TRAPPC9: variants seen among roughly 807,000 people sequenced by gnomAD.
The protein encoded by TRAPPC9 is IKK2 binding protein.
Under a neutral mutation model 124.0 loss-of-function variants are expected in TRAPPC9, and 83 were observed. That is an observed-to-expected ratio of 0.67 (90% confidence interval 0.56 to 0.80). The LOEUF is 0.80. Among genes scored for constraint, TRAPPC9 ranks in the 30% least tolerant of loss-of-function variants. The pLI is 0.00. For missense variants in TRAPPC9, 1,302 were observed against 1,508.3 expected (o/e 0.86, Z 2.27); for synonymous variants, 638 against 617.5 (o/e 1.03, Z -0.49).
chr8:139,775,598 C>T, intron 21 of TRAPPC9, among the ~76,000 whole-genome samples: 1 of 152,192 alleles, frequency 6.6e-6, no homozygotes, highest in East Asian at 1.9e-4. Context: ...AGGGCTGAGT[C>T]CCGAGGACAT....
intron 21 of TRAPPC9, among the ~76,000 whole-genome samples, chr8:139,875,601 C>T (rs368942311): frequency 4.6e-5 from 7 of 152,378 alleles, no homozygotes; most frequent in South Asian, 2.1e-4. Context: ...CACCCACTGC[C>T]GGGCAAGCTG....
chr8:139,967,268 G>A lies in TRAPPC9; in HGVS notation c.2810+21458C>T, dbSNP rs551105086. On this transcript the variant is annotated intron_variant, in intron 19 of 22. Transcript: ENST00000438773. ...CATACTCCCCAGTATGTCTCAGAGA[G>A]GACTTGGGTCACTGAATGAAAGCAG... 5.3e-5 allele frequency among the ~76,000 whole-genome samples: 8 copies of A among 152,316 alleles called. No individual in the cohort carries two copies. The East Asian group carries it at 1.5e-3, about 29-fold the overall frequency.
At chr8:140,085,855 T>A (rs1012375164) in intron 17 of TRAPPC9, among the ~76,000 whole-genome samples, 2 of 152,220 alleles carry the variant, frequency 1.3e-5, no homozygotes, top group Admixed American at 1.3e-4. Context: ...TCTGATTCAT[T>A]GTTAAAAATA....
chr8:140,023,385 A>G (rs1406269449), intron 18 of TRAPPC9, among the ~76,000 whole-genome samples: 2 of 152,226 alleles, frequency 1.3e-5, no homozygotes, highest in African/African-American at 4.8e-5. Flanking sequence ...CAAACTGTCC[A>G]ATTTCTTTCT....
At chr8:139,915,401 C>T (rs1832059926) in intron 19 of TRAPPC9, among the ~76,000 whole-genome samples, 1 of 152,162 alleles carries the variant, frequency 6.6e-6, no homozygotes, top group Admixed American at 6.5e-5. Flanking sequence ...TGCATACTAC[C>T]ACATCTGGCT....
chr8:139,969,309 C>T (rs60971117), intron 19 of TRAPPC9, among the ~76,000 whole-genome samples: 4,972 of 152,354 alleles, frequency 0.033, 276 homozygotes, highest in African/African-American at 0.11. Context: ...TGTACTGCAG[C>T]CTTTCCCTCT....
chr8:140,238,979 A>G (rs1314432720), intron 16 of TRAPPC9, among the ~76,000 whole-genome samples: 1 of 152,170 alleles, frequency 6.6e-6, no homozygotes, highest in East Asian at 1.9e-4. Context: ...GGCTGGCAAG[A>G]GTGGAGGGGC....
intron 21 of TRAPPC9, among the ~76,000 whole-genome samples, chr8:139,864,789 T>C (rs1050300347): frequency 6.6e-6 from 1 of 152,180 alleles, no homozygotes; most frequent in Non-Finnish European, 1.5e-5. Context: ...AGAAAAGCGC[T>C]TGGACCCAGA....
At chr8:140,256,470 C>G (rs771844073) in intron 15 of TRAPPC9, among the ~76,000 whole-genome samples, 6 of 152,164 alleles carry the variant, frequency 3.9e-5, no homozygotes, top group Non-Finnish European at 8.8e-5. Context: ...TTCCTTCCCA[C>G]CTGCTCTCTC....
chr8:139,917,907 C>T (rs952055282), intron 19 of TRAPPC9, among the ~76,000 whole-genome samples: 2 of 152,192 alleles, frequency 1.3e-5, no homozygotes, highest in African/African-American at 4.8e-5. Flanking sequence ...CCAGCACTCC[C>T]ACAGCCAGCT....
chr8:140,184,974 A>G (rs2131038072), intron 17 of TRAPPC9, among the ~76,000 whole-genome samples: 1 of 152,348 alleles, frequency 6.6e-6, no homozygotes, highest in African/African-American at 2.4e-5. Context: ...AAACAAAAAT[A>G]AAATAATTTT....
intron 9 of TRAPPC9, among the ~76,000 whole-genome samples, chr8:140,325,761 GC>G (rs1272377912): frequency 6.6e-6 from 1 of 152,168 alleles, no homozygotes; most frequent in Non-Finnish European, 1.5e-5. Flanking sequence ...GTGTTATGAA[GC>G]CAGCACAACC....
chr8:140,311,937 G>T (rs369325917), intron 9 of TRAPPC9, among the ~76,000 whole-genome samples: 6 of 152,152 alleles, frequency 3.9e-5, no homozygotes, highest in Non-Finnish European at 8.8e-5. Flanking sequence ...AATCATGTCC[G>T]CTTCCTGTCC....
intron 19 of TRAPPC9, among the ~76,000 whole-genome samples, chr8:139,960,397 T>C (rs1587348207): frequency 6.6e-6 from 1 of 152,198 alleles, no homozygotes; most frequent in East Asian, 1.9e-4. Context: ...AGCCTGGCCC[T>C]GAGCCCCGAC....
chr8:140,419,283 G>C (rs567723997), intron 5 of TRAPPC9, among the ~76,000 whole-genome samples: 26 of 150,930 alleles, frequency 1.7e-4, no homozygotes, highest in African/African-American at 6.3e-4. Flanking sequence ...AAAAAAATTA[G>C]CCGCGCGTGG....
intron 17 of TRAPPC9, among the ~76,000 whole-genome samples, chr8:140,208,612 T>A (rs1312810348): frequency 6.6e-6 from 1 of 152,158 alleles, no homozygotes; most frequent in Non-Finnish European, 1.5e-5. Context: ...GCAGAGCAAT[T>A]CTTTAGAGGT....
chr8:139,746,116 G>C lies in TRAPPC9; in HGVS notation c.3056-13914C>G, dbSNP rs371541935. ...CACAGTGCCCCTTGCCCTCTGTGCTGGGCTCCTGCAATCGCCGCCGGTGGC... is the reference window on the plus strand; with the variant it reads ...CACAGTGCCCCTTGCCCTCTGTGCTCGGCTCCTGCAATCGCCGCCGGTGGC... On this transcript the variant is annotated intron_variant, in intron 21 of 22. Transcript: ENST00000438773. Among the ~76,000 whole-genome samples, 60 of 152,328 alleles carry C rather than the reference G, an allele frequency of 3.9e-4. No individual in the cohort carries two copies. The East Asian group carries it at 0.011, about 29-fold the overall frequency.
rs1040245126 is a variant in TRAPPC9 at position 140,134,080 on chromosome 8, A to C, written c.2556+87379T>G. The stretch of plus-strand genomic sequence containing the variant: ...TCACAGAATTGCAAAAGGACCCCAA[A>C]TAGCAAAAACAATATTGAAAAAAAG... On this transcript the variant is annotated intron_variant, in intron 17 of 22. Transcript: ENST00000438773. Among the ~76,000 whole-genome samples the C allele has an allele frequency of 5.3e-5, 8 of 152,208 alleles. No individual in the cohort carries two copies. In the East Asian group the frequency reaches 1.5e-3, roughly 29 times the overall value.
chr8:140,113,655 G>A (rs1334798402), intron 17 of TRAPPC9, among the ~76,000 whole-genome samples: 2 of 152,146 alleles, frequency 1.3e-5, no homozygotes, highest in East Asian at 1.9e-4. Context: ...CTGCCTGTCC[G>A]TAGGAAGCAA....
Sources: allele counts gnomAD v4.1 joint callset (sites outside exome capture counted in the v4.1 genomes callset), GRCh38; gene constraint gnomAD v4.1.1; transcripts MANE v1.5; gene names NCBI Gene and HGNC (gene_info 2026-07-23, HGNC 2026-07-21).